The following LMNTD1 variants were observed in gnomAD, a reference collection of about 807,000 sequenced individuals.
LMNTD1 encodes lamin tail domain-containing protein 1.
LMNTD1 carries 35 observed loss-of-function variants against 50.9 expected under a neutral mutation model. The ratio of observed to expected loss-of-function variants is 0.69; its 90% CI spans 0.53 to 0.91. The LOEUF (loss-of-function observed/expected upper bound fraction) is 0.91, where lower values mean the gene tolerates loss of function less well. LMNTD1 is among the 40% of genes least tolerant of loss of function. LMNTD1 has a pLI of 0.00. For missense variants in LMNTD1, 470 were observed against 475.5 expected, an observed-to-expected ratio of 0.99 and a Z score of 0.11; for synonymous variants, 153 against 161.9, an observed-to-expected ratio of 0.94 and a Z score of 0.42.
At chr12:25,526,662 A>G in intron 5 of LMNTD1, 107 bp downstream of exon 5, 1 of 696,524 alleles carries the variant, frequency 1.4e-6, no homozygotes, top group South Asian at 3.1e-5. Context: ...TCTTACGTAC[A>G]GATCCAGATA....
chr12:25,634,373 A>G (rs968073116), intron 1 of LMNTD1, among the ~76,000 whole-genome samples: 3 of 152,206 alleles, frequency 2.0e-5, no homozygotes, highest in African/African-American at 7.2e-5. Context: ...CCAGGAAAGG[A>G]CATAACCAAA....
chr12:25,559,145 G>A (rs913197890), intron 1 of LMNTD1, among the ~76,000 whole-genome samples: 33 of 151,906 alleles, frequency 2.2e-4, no homozygotes, highest in Non-Finnish European at 3.4e-4. Context: ...TGCTGCACCC[G>A]TTAACTCGTC....
chr12:25,631,387 T>C (rs925308738), intron 1 of LMNTD1, among the ~76,000 whole-genome samples: 2 of 151,512 alleles, frequency 1.3e-5, no homozygotes, highest in African/African-American at 2.4e-5. Flanking sequence ...CCTCACGGAG[T>C]CCATTGCACC....
chr12:25,562,760 C>T (rs113621172), intron 1 of LMNTD1, among the ~76,000 whole-genome samples: 3 of 152,340 alleles, frequency 2.0e-5, no homozygotes, highest in African/African-American at 7.2e-5. Flanking sequence ...CTCCCCGTCA[C>T]TTTCAGGTAC....
chr12:25,605,439 T>C (rs938865462), intron 1 of LMNTD1, among the ~76,000 whole-genome samples: 1 of 152,292 alleles, frequency 6.6e-6, no homozygotes, highest in African/African-American at 2.4e-5. Flanking sequence ...CTGAATGGTA[T>C]TGCCTAGGTT....
intron 1 of LMNTD1, among the ~76,000 whole-genome samples, chr12:25,606,967 T>A (rs1381526132): frequency 5.9e-5 from 9 of 152,164 alleles, no homozygotes; most frequent in Non-Finnish European, 2.9e-5. Context: ...GGTCCTGGAC[T>A]TTTTTTGGTT....
intron 4 of LMNTD1, among the ~76,000 whole-genome samples, chr12:25,538,662 C>T (rs1369785410): frequency 2.4e-5 from 3 of 124,728 alleles, no homozygotes; most frequent in Non-Finnish European, 5.3e-5. Flanking sequence ...GAAACTACAT[C>T]AACTAACGAG....
At chr12:25,522,203 A>T (rs1452908382) in intron 6 of LMNTD1, among the ~76,000 whole-genome samples, 1 of 152,078 alleles carries the variant, frequency 6.6e-6, no homozygotes, top group Non-Finnish European at 1.5e-5. Context: ...AAAAAAATGG[A>T]CTTTTGCTAC....
At chr12:25,646,724 A>G (rs942842492) in intron 1 of LMNTD1, among the ~76,000 whole-genome samples, 11 of 152,220 alleles carry the variant, frequency 7.2e-5, no homozygotes, top group African/African-American at 2.4e-4. Flanking sequence ...AAATTCTAAC[A>G]GTAGTAAGCT....
intron 1 of LMNTD1, among the ~76,000 whole-genome samples, chr12:25,609,649 G>A (rs182246428): frequency 1.4e-3 from 216 of 152,270 alleles, no homozygotes; most frequent in African/African-American, 1.1e-3. Context: ...TATCACCAGC[G>A]GAGGCTGCAG....
At chr12:25,478,549 C>A (rs562026308) in intron 9 of LMNTD1, among the ~76,000 whole-genome samples, 1 of 152,234 alleles carries the variant, frequency 6.6e-6, no homozygotes, top group South Asian at 2.1e-4. Context: ...CTTTGGGAAG[C>A]CGAGGTGGGC....
Position 25,647,578 on chromosome 12 carries a change from T to A in LMNTD1, c.58+916A>T, listed in dbSNP as rs567195200. Among the ~76,000 whole-genome samples, 623 of 152,302 alleles carry A rather than the reference T, an allele frequency of 4.1e-3. 5 individuals carry two copies. Among genetic ancestry groups the A allele is most frequent in the African/African-American group, 0.014 (594 of 41,570 alleles). On this transcript the variant is annotated intron_variant, in intron 1 of 7. Transcript: ENST00000445693. The stretch of plus-strand genomic sequence containing the variant: ...TTTGGAAGTAGTTAAAATATAAGTT[T>A]AAAAAATAAAATGTATAGTTAAATC...
At chr12:25,598,632 T>A (rs1945893436) in intron 1 of LMNTD1, among the ~76,000 whole-genome samples, 1 of 150,548 alleles carries the variant, frequency 6.6e-6, no homozygotes, top group African/African-American at 2.4e-5. Context: ...AAAGAGAAGA[T>A]CCAAATAAAT....
intron 1 of LMNTD1, among the ~76,000 whole-genome samples, chr12:25,621,040 C>T (rs1946464088): frequency 6.6e-6 from 1 of 152,172 alleles, no homozygotes; most frequent in African/African-American, 2.4e-5. Flanking sequence ...GGGCTCCTAA[C>T]TACTGTCCTT....
intron 1 of LMNTD1, among the ~76,000 whole-genome samples, chr12:25,563,762 G>A (rs1474477653): frequency 6.6e-6 from 1 of 152,196 alleles, no homozygotes; most frequent in Non-Finnish European, 1.5e-5. Context: ...ACAGAGGCAG[G>A]CAGGCCTCCT....
At chr12:25,545,649 G>T (rs1943385668) in intron 4 of LMNTD1, among the ~76,000 whole-genome samples, 1 of 151,592 alleles carries the variant, frequency 6.6e-6, no homozygotes, top group Non-Finnish European at 1.5e-5. Context: ...CTGAATGAAG[G>T]ATCTGATGAG....
chr12:25,601,513 C>A (rs1457166687), intron 1 of LMNTD1, among the ~76,000 whole-genome samples: 1 of 151,512 alleles, frequency 6.6e-6, no homozygotes, highest in East Asian at 1.9e-4. Context: ...GGATGGATAC[C>A]CCATTTTACA....
intron 9 of LMNTD1, among the ~76,000 whole-genome samples, chr12:25,478,583 G>A (rs6487485): frequency 0.65 from 99,128 of 151,954 alleles, 32,784 homozygotes; most frequent in East Asian, 0.95. Flanking sequence ...TCAGGAGTTC[G>A]AGACCATCCT....
intron 1 of LMNTD1, among the ~76,000 whole-genome samples, chr12:25,612,817 G>A (rs1946277344): frequency 6.6e-6 from 1 of 152,172 alleles, no homozygotes; most frequent in Admixed American, 6.5e-5. Context: ...TGGAACCTGT[G>A]AAAGTTACCT....
Sources: allele counts gnomAD v4.1 joint callset (sites outside exome capture counted in the v4.1 genomes callset), GRCh38; gene constraint gnomAD v4.1.1; transcripts MANE v1.5; gene names NCBI Gene and HGNC (gene_info 2026-07-23, HGNC 2026-07-21).